The following TCF12 variants were observed in gnomAD, a reference collection of about 807,000 sequenced individuals.
TCF12 encodes transcription factor 12.
TCF12 carries 45 observed loss-of-function variants against 86.0 expected under a neutral mutation model. That is an observed-to-expected ratio of 0.52 (90% CI 0.41 to 0.67). The LOEUF is 0.67. Ranked by LOEUF, TCF12 falls within the 30% of genes least tolerant of loss-of-function variation. The probability of loss-of-function intolerance (pLI) is 0.00; values close to 1 mark genes in which losing one functional copy is unlikely to be tolerated. For missense variants in TCF12, 881 were observed against 859.9 expected (o/e 1.02, Z -0.31); for synonymous variants, 330 against 299.6 (o/e 1.10, Z -1.05).
intron 5 of TCF12, among the ~76,000 whole-genome samples, chr15:57,153,870 C>G (rs2053934136): frequency 6.6e-6 from 1 of 151,414 alleles, no homozygotes; most frequent in Non-Finnish European, 1.5e-5. Context: ...AAAAAAAAAC[C>G]AGGTATAGTC....
intron 6 of TCF12, among the ~76,000 whole-genome samples, chr15:57,179,502 C>G (rs2056187380): frequency 6.6e-6 from 1 of 152,044 alleles, no homozygotes; most frequent in Non-Finnish European, 1.5e-5. Flanking sequence ...TGCACTCCAT[C>G]CTGGGCGACA....
At chr15:57,207,106 C>T (rs2057861415) in intron 8 of TCF12, among the ~76,000 whole-genome samples, 1 of 151,714 alleles carries the variant, frequency 6.6e-6, no homozygotes, top group South Asian at 2.1e-4. Flanking sequence ...GACCCTGTCC[C>T]CAAAAAAACA....
chr15:57,011,839 A>G (rs1567250024), intron 3 of TCF12, among the ~76,000 whole-genome samples: 1 of 152,192 alleles, frequency 6.6e-6, no homozygotes, highest in African/African-American at 2.4e-5. Flanking sequence ...ATCAATTTTT[A>G]AAGTATTTTA....
chr15:57,205,530 G>A (rs1381677441), intron 8 of TCF12, among the ~76,000 whole-genome samples: 6 of 152,210 alleles, frequency 3.9e-5, no homozygotes, highest in Admixed American at 3.3e-4. Flanking sequence ...GTTTCGGGCT[G>A]TTAGATGAGG....
chr15:57,268,285 TG>T (rs1477984362), intron 18 of TCF12, among the ~76,000 whole-genome samples: 1 of 152,240 alleles, frequency 6.6e-6, no homozygotes, highest in Non-Finnish European at 1.5e-5. Flanking sequence ...TGGCTATCTG[TG>T]GACACCACTG....
chr15:57,232,685 T>G, intron 10 of TCF12, 27 bp from the exon 11 acceptor site: 1 of 1,599,620 alleles, frequency 6.3e-7, no homozygotes, highest in Non-Finnish European at 8.5e-7. Context: ...AAAATATATT[T>G]AATAGATCAT....
At chr15:57,208,340 T>A (rs2057940528) in intron 8 of TCF12, among the ~76,000 whole-genome samples, 1 of 149,500 alleles carries the variant, frequency 6.7e-6, no homozygotes, top group Non-Finnish European at 1.5e-5. Flanking sequence ...CCAAGATTCT[T>A]ATAGTCAAAA....
At chr15:56,940,589 CCTCCTCCTCCTT>C (rs1256970007) in intron 3 of TCF12, among the ~76,000 whole-genome samples, 13 of 149,190 alleles carry the variant, frequency 8.7e-5, no homozygotes, top group African/African-American at 3.2e-4. Context: ...TCCTTCTCCT[CCTCCTCCTCCTT>C]CTCCTCCTTC....
At chr15:57,185,927 C>T (rs1391449419) in intron 6 of TCF12, among the ~76,000 whole-genome samples, 1 of 151,928 alleles carries the variant, frequency 6.6e-6, no homozygotes, top group African/African-American at 2.4e-5. Context: ...AATTGACAAA[C>T]CTTTAGCTAG....
At chr15:57,031,555 T>C (rs1243119192) in intron 3 of TCF12, among the ~76,000 whole-genome samples, 1 of 152,228 alleles carries the variant, frequency 6.6e-6, no homozygotes, top group Non-Finnish European at 1.5e-5. Flanking sequence ...CTGGGTAATA[T>C]GGAGTGAACA....
intron 5 of TCF12, among the ~76,000 whole-genome samples, chr15:57,092,605 A>AT (rs376553223): frequency 0.034 from 5,069 of 150,696 alleles, 105 homozygotes; most frequent in Non-Finnish European, 0.045. Context: ...TTTGAATACC[A>AT]TTTTTTTTTG....
At chr15:56,924,797 T>C (rs1249582451) in intron 3 of TCF12, among the ~76,000 whole-genome samples, 3 of 152,004 alleles carry the variant, frequency 2.0e-5, no homozygotes, top group Non-Finnish European at 4.4e-5. Flanking sequence ...AGCAAGGGAG[T>C]CTTTTAGAGA....
At chr15:57,142,541 A>T (rs914624997) in intron 5 of TCF12, among the ~76,000 whole-genome samples, 1 of 149,562 alleles carries the variant, frequency 6.7e-6, no homozygotes, top group Admixed American at 6.7e-5. Context: ...TGATAGTAAT[A>T]GATTTATAAT....
At chr15:57,126,538 C>G (rs1396794887) in intron 5 of TCF12, among the ~76,000 whole-genome samples, 1 of 151,800 alleles carries the variant, frequency 6.6e-6, no homozygotes, top group Non-Finnish European at 1.5e-5. Flanking sequence ...TAAAACCCTT[C>G]CTTTAATCTA....
chr15:57,174,797 TACTG>T (rs2055790174), intron 6 of TCF12, among the ~76,000 whole-genome samples: 1 of 152,042 alleles, frequency 6.6e-6, no homozygotes. Flanking sequence ...AAGCGTGAAA[TACTG>T]AGGGAAGAAT....
At chr15:56,966,181 AT>A (rs1215520620) in intron 3 of TCF12, among the ~76,000 whole-genome samples, 1 of 152,074 alleles carries the variant, frequency 6.6e-6, no homozygotes, top group Non-Finnish European at 1.5e-5. Flanking sequence ...TAATTTGTGA[AT>A]TTTTAGTTGC....
chr15:57,114,761 C>T (rs1695765394), intron 5 of TCF12, among the ~76,000 whole-genome samples: 1 of 152,138 alleles, frequency 6.6e-6, no homozygotes, highest in Admixed American at 6.5e-5. Flanking sequence ...AATAGAACAA[C>T]ATTCTTGGTT....
Position 56,919,931 on chromosome 15 carries a change from A to C in TCF12, c.18A>C (p.Gln6His). The change falls in exon 2 of 21, where the codon CAA (glutamine) becomes CAC (histidine). Residue 6 changes from glutamine to histidine, a missense_variant. Gln to His is a conservative substitution (Grantham distance 24, BLOSUM62 0). Coordinates refer to ENST00000333725, the MANE Select transcript of TCF12 (RefSeq NM_207037.2). ...GGCCGAAGATGAATCCCCAGCAACAACGCATGGCCGCTATAGGGACCGACA... is the reference window on the plus strand; with the variant it reads ...GGCCGAAGATGAATCCCCAGCAACACCGCATGGCCGCTATAGGGACCGACA... MNPQQQRMAAIGTDKE... is the reference protein window; with the variant it reads MNPQQHRMAAIGTDKE... 1 of 1,613,810 alleles carries C rather than the reference A, an allele frequency of 6.2e-7. No individual in the cohort carries two copies. Among genetic ancestry groups the C allele is most frequent in the Non-Finnish European group, 8.5e-7 (1 of 1,179,892 alleles).
chr15:57,034,257 G>A (rs2585087), intron 3 of TCF12, among the ~76,000 whole-genome samples: 84,668 of 151,888 alleles, frequency 0.56, 24,934 homozygotes, highest in African/African-American at 0.75. Context: ...CTATTATATT[G>A]TGAATGGAAG....
Sources: gnomAD v4.1 joint callset for allele counts (sites outside exome capture counted in the v4.1 genomes callset) on GRCh38, gnomAD v4.1.1 for gene constraint, MANE v1.5 for transcripts, NCBI Gene and HGNC (gene_info 2026-07-23, HGNC 2026-07-21) for gene names.